Variants in RGS7 observed in about 807,000 individuals in gnomAD.
RGS7 encodes regulator of G-protein signaling 7.
In RGS7, 27 loss-of-function variants were observed where a neutral mutation model predicts 81.1. That is an observed-to-expected ratio of 0.33 (90% CI 0.25 to 0.46). The LOEUF (loss-of-function observed/expected upper bound fraction) is 0.46, where lower values mean the gene tolerates loss of function less well. RGS7 is among the 20% of genes least tolerant of loss of function. RGS7 has a pLI of 1.00. For synonymous variants in RGS7, 208 were observed against 207.7 expected (o/e 1.00, Z -0.01); for missense variants, 396 against 607.4 (o/e 0.65, Z 3.66).
intron 4 of RGS7, among the ~76,000 whole-genome samples, chr1:240,975,921 T>TA (rs11414462): frequency 0.36 from 55,321 of 152,138 alleles, 10,374 homozygotes; most frequent in Middle Eastern, 0.42. Context: ...GTGCATTGTA[T>TA]AGTCCTTCCT....
At chr1:241,093,421 C>A (rs1027100039) in intron 3 of RGS7, among the ~76,000 whole-genome samples, 1 of 152,102 alleles carries the variant, frequency 6.6e-6, no homozygotes, top group African/African-American at 2.4e-5. Context: ...ATTTCCCCAG[C>A]AACGGTAAAA....
At chr1:241,096,181 T>A (rs759384843) in intron 3 of RGS7, among the ~76,000 whole-genome samples, 2 of 152,030 alleles carry the variant, frequency 1.3e-5, no homozygotes, top group Non-Finnish European at 2.9e-5. Flanking sequence ...CAGTAGACCA[T>A]GAAACATGCT....
chr1:240,965,592 TG>T (rs1352212585), intron 4 of RGS7, among the ~76,000 whole-genome samples: 1 of 152,164 alleles, frequency 6.6e-6, no homozygotes, highest in Non-Finnish European at 1.5e-5. Flanking sequence ...CACAAGTGGC[TG>T]CCATCAGCCC....
chr1:241,112,867 C>A (rs1437746170), intron 2 of RGS7, among the ~76,000 whole-genome samples: 1 of 152,192 alleles, frequency 6.6e-6, no homozygotes, highest in Non-Finnish European at 1.5e-5. Flanking sequence ...TTCTAACCCA[C>A]CGAACAATTA....
At chr1:240,966,166 A>G (rs1294305162) in intron 4 of RGS7, among the ~76,000 whole-genome samples, 1 of 152,034 alleles carries the variant, frequency 6.6e-6, no homozygotes, top group Non-Finnish European at 1.5e-5. Flanking sequence ...CCTAAACTAT[A>G]TAAAAAAAAA....
chr1:240,944,256 T>TG (rs1206813337), intron 4 of RGS7, among the ~76,000 whole-genome samples: 1 of 98,728 alleles, frequency 1.0e-5, no homozygotes, highest in Non-Finnish European at 1.9e-5. Flanking sequence ...TTCTGTTATA[T>TG]TATATGTGTG....
At position 241,114,704 on chromosome 1, in the gene RGS7, G is replaced by C. The variant is rs113667058; in HGVS notation, c.79-15942C>G. On this transcript the variant is annotated intron_variant, in intron 2 of 18. Coordinates refer to ENST00000440928, the MANE Select transcript of RGS7 (RefSeq NM_001364886.1). ...CTGTGTATAAGAATTGTCAAAATAA[G>C]TAATTCAAAATCTAAACTGTTGAAA... 4.8e-3 allele frequency among the ~76,000 whole-genome samples: 738 copies of C among 152,232 alleles called. 4 individuals carry two copies. The highest frequency in any genetic ancestry group is 0.017 in the African/African-American group (693 of 41,546).
chr1:240,884,757 A>C (rs1667057194), intron 6 of RGS7, among the ~76,000 whole-genome samples: 1 of 152,238 alleles, frequency 6.6e-6, no homozygotes, highest in South Asian at 2.1e-4. Context: ...AATTCAACTT[A>C]AGATGGATTA....
At chr1:240,949,213 A>C (rs1405658853) in intron 4 of RGS7, among the ~76,000 whole-genome samples, 4 of 152,004 alleles carry the variant, frequency 2.6e-5, no homozygotes, top group Non-Finnish European at 4.4e-5. Flanking sequence ...TTCAATTTTG[A>C]TTTGTTTCCT....
intron 2 of RGS7, among the ~76,000 whole-genome samples, chr1:241,252,128 C>G (rs563132810): frequency 6.6e-6 from 1 of 151,754 alleles, no homozygotes; most frequent in African/African-American, 2.4e-5. Flanking sequence ...ACTGCAACCT[C>G]CACCTCCCAG....
chr1:241,154,218 T>A (rs1290680062), intron 2 of RGS7, among the ~76,000 whole-genome samples: 1 of 152,162 alleles, frequency 6.6e-6, no homozygotes, highest in Non-Finnish European at 1.5e-5. Context: ...TAGTGGAGGC[T>A]CGCTCTTCTG....
At chr1:241,191,091 C>T (rs1330251637) in intron 2 of RGS7, among the ~76,000 whole-genome samples, 1 of 151,970 alleles carries the variant, frequency 6.6e-6, no homozygotes, top group Non-Finnish European at 1.5e-5. Context: ...ATGCCATTCT[C>T]CTGCCTCAGC....
At chr1:241,246,561 G>GCTTC (rs1196430995) in intron 2 of RGS7, among the ~76,000 whole-genome samples, 1 of 152,148 alleles carries the variant, frequency 6.6e-6, no homozygotes, top group East Asian at 1.9e-4. Context: ...AAAGAACACA[G>GCTTC]CTTCCTCCTA....
chr1:240,945,872 G>A (rs905077416), intron 4 of RGS7, among the ~76,000 whole-genome samples: 2 of 151,964 alleles, frequency 1.3e-5, no homozygotes, highest in Non-Finnish European at 2.9e-5. Flanking sequence ...TGTATATGTT[G>A]GTGTATGAGT....
chr1:241,254,043 A>G (rs1040673091), intron 2 of RGS7, among the ~76,000 whole-genome samples: 1 of 152,086 alleles, frequency 6.6e-6, no homozygotes, highest in Non-Finnish European at 1.5e-5. Flanking sequence ...CACTAAAAAT[A>G]CAAAAAATTA....
intron 2 of RGS7, among the ~76,000 whole-genome samples, chr1:241,143,920 A>C (rs937729915): frequency 6.6e-6 from 1 of 152,080 alleles, no homozygotes; most frequent in African/African-American, 2.4e-5. Context: ...ATACAGCGAG[A>C]AGGAACCATC....
intron 16 of RGS7, 141 bp from the exon 17 acceptor site, chr1:240,801,649 A>G (rs1232391551): frequency 1.4e-6 from 1 of 721,670 alleles, no homozygotes; most frequent in African/African-American, 1.8e-5. Flanking sequence ...CAGAAGGCCC[A>G]TAGAGGTTGG....
At chr1:240,940,204 T>A (rs1010468818) in intron 4 of RGS7, among the ~76,000 whole-genome samples, 2 of 152,216 alleles carry the variant, frequency 1.3e-5, no homozygotes, top group African/African-American at 4.8e-5. Flanking sequence ...TTCAGCCAGA[T>A]TTTCTTTGTT....
intron 2 of RGS7, among the ~76,000 whole-genome samples, chr1:241,140,489 G>A (rs188440381): frequency 2.0e-5 from 3 of 152,242 alleles, no homozygotes; most frequent in African/African-American, 4.8e-5. Context: ...GGCTGATCTC[G>A]AACTCCTGGA....
Sources: allele counts gnomAD v4.1 joint callset (sites outside exome capture counted in the v4.1 genomes callset), GRCh38; gene constraint gnomAD v4.1.1; transcripts MANE v1.5; gene names NCBI Gene and HGNC (gene_info 2026-07-23, HGNC 2026-07-21).